SPOCK1: variants seen among roughly 807,000 people sequenced by gnomAD.
SPOCK1 encodes the protein testican-1.
Under a neutral mutation model 55.3 loss-of-function variants are expected in SPOCK1, and 23 were observed. The observed-to-expected ratio is 0.42, with a 90% confidence interval of 0.30 to 0.59. The LOEUF (loss-of-function observed/expected upper bound fraction) is 0.59, where lower values mean the gene tolerates loss of function less well. Among genes scored for constraint, SPOCK1 ranks in the 20% least tolerant of loss-of-function variants. SPOCK1 has a pLI of 0.22. For synonymous variants in SPOCK1, 226 were observed against 221.0 expected (o/e 1.02, Z -0.20); for missense variants, 499 against 552.5 (o/e 0.90, Z 0.97).
intron 2 of SPOCK1, among the ~76,000 whole-genome samples, chr5:137,383,221 T>G (rs1751514974): frequency 6.6e-6 from 1 of 152,326 alleles, no homozygotes; most frequent in East Asian, 1.9e-4. Flanking sequence ...CTGTGATACT[T>G]AAGTTTAAGA....
Position 137,136,018 on chromosome 5 carries a change from T to C in SPOCK1, c.347+4562A>G, listed in dbSNP as rs145290687. On this transcript the variant is annotated intron_variant, in intron 4 of 10. Transcript: ENST00000394945. ...TTACAATCAAATCTTTTGTTGTACATGTTTTGCAAATATTTTCACTCAGAG... is the reference window on the plus strand; with the variant it reads ...TTACAATCAAATCTTTTGTTGTACACGTTTTGCAAATATTTTCACTCAGAG... Among the ~76,000 whole-genome samples, 483 of 152,360 alleles carry C rather than the reference T, an allele frequency of 3.2e-3. 3 individuals are homozygous for C. The highest frequency in any genetic ancestry group is 0.011 in the African/African-American group (452 of 41,592).
chr5:137,394,295 C>T (rs1276096048), intron 2 of SPOCK1, among the ~76,000 whole-genome samples: 1 of 152,206 alleles, frequency 6.6e-6, no homozygotes, highest in African/African-American at 2.4e-5. Context: ...ACACACTACA[C>T]ACTACACAGT....
intron 3 of SPOCK1, among the ~76,000 whole-genome samples, chr5:137,193,145 GGAA>G (rs1392270206): frequency 6.6e-6 from 1 of 152,144 alleles, no homozygotes; most frequent in Non-Finnish European, 1.5e-5. Context: ...GGGAAAGACT[GGAA>G]GAAGTATACC....
chr5:137,193,685 C>T (rs55857393), intron 3 of SPOCK1, among the ~76,000 whole-genome samples: 61,606 of 151,972 alleles, frequency 0.41, 13,457 homozygotes, highest in Non-Finnish European at 0.48. Flanking sequence ...AGCAGCCAGC[C>T]CTTGCTTCAT....
intron 2 of SPOCK1, among the ~76,000 whole-genome samples, chr5:137,449,541 C>T (rs1753205554): frequency 6.6e-6 from 1 of 152,082 alleles, no homozygotes; most frequent in African/African-American, 2.4e-5. Flanking sequence ...GAGCCTCTTG[C>T]CTCTCTAAGT....
At chr5:137,000,786 G>A (rs561164307) in intron 6 of SPOCK1, among the ~76,000 whole-genome samples, 1 of 152,310 alleles carries the variant, frequency 6.6e-6, no homozygotes, top group Non-Finnish European at 1.5e-5. Context: ...GCTCATGCCT[G>A]TAATCCCAGC....
chr5:137,337,547 G>A (rs570657885), intron 2 of SPOCK1, among the ~76,000 whole-genome samples: 21 of 152,178 alleles, frequency 1.4e-4, no homozygotes, highest in Non-Finnish European at 2.2e-4. Flanking sequence ...CTCCACTTCC[G>A]GACATTCTGA....
intron 2 of SPOCK1, among the ~76,000 whole-genome samples, chr5:137,421,457 C>T (rs1347379332): frequency 6.6e-6 from 1 of 152,172 alleles, no homozygotes; most frequent in East Asian, 1.9e-4. Context: ...TCTCTAAGGA[C>T]TTGCTTTATG....
chr5:137,122,179 T>C (rs1753697936), intron 4 of SPOCK1, among the ~76,000 whole-genome samples: 1 of 151,860 alleles, frequency 6.6e-6, no homozygotes, highest in Non-Finnish European at 1.5e-5. Context: ...AGTGGGGTTT[T>C]ACCTCAAAGT....
chr5:136,999,248 G>A (rs1320376466), intron 6 of SPOCK1, among the ~76,000 whole-genome samples: 1 of 152,178 alleles, frequency 6.6e-6, no homozygotes, highest in Non-Finnish European at 1.5e-5. Context: ...TAAGGGGGAA[G>A]GGGAGCTCTA....
intron 3 of SPOCK1, among the ~76,000 whole-genome samples, chr5:137,188,973 T>C (rs1263373543): frequency 6.6e-6 from 1 of 152,250 alleles, no homozygotes; most frequent in Non-Finnish European, 1.5e-5. Context: ...AGTCAAAACC[T>C]TCCTTAAGCC....
At chr5:137,050,762 A>G (rs1243000001) in intron 6 of SPOCK1, among the ~76,000 whole-genome samples, 1 of 152,220 alleles carries the variant, frequency 6.6e-6, no homozygotes, top group Non-Finnish European at 1.5e-5. Context: ...TAAACTAAAA[A>G]CTGTCAGAAT....
intron 4 of SPOCK1, among the ~76,000 whole-genome samples, chr5:137,136,452 TTAAC>T (rs1561622815): frequency 6.6e-6 from 1 of 152,062 alleles, no homozygotes; most frequent in East Asian, 1.9e-4. Flanking sequence ...CTTATAAAAA[TTAAC>T]TAAAGAGGAT....
At chr5:137,494,406 A>G (rs1272094172) in intron 2 of SPOCK1, among the ~76,000 whole-genome samples, 1 of 152,200 alleles carries the variant, frequency 6.6e-6, no homozygotes. Flanking sequence ...GTCAGATGGC[A>G]TAGTTCCAGC....
At chr5:137,113,253 C>A (rs753978536) in intron 4 of SPOCK1, among the ~76,000 whole-genome samples, 6 of 152,140 alleles carry the variant, frequency 3.9e-5, no homozygotes, top group Non-Finnish European at 8.8e-5. Flanking sequence ...GACTTACGTC[C>A]ACGGAAGGAA....
chr5:137,210,576 T>C (rs1477051062), intron 3 of SPOCK1, among the ~76,000 whole-genome samples: 1 of 152,164 alleles, frequency 6.6e-6, no homozygotes, highest in African/African-American at 2.4e-5. Context: ...AAAAGGCACA[T>C]TTGTAATACA....
intron 2 of SPOCK1, among the ~76,000 whole-genome samples, chr5:137,490,732 G>A (rs180963152): frequency 9.9e-5 from 15 of 152,266 alleles, no homozygotes; most frequent in African/African-American, 2.2e-4. Context: ...TCCCAGTTAC[G>A]TCATGATGAG....
At chr5:136,991,030 C>T (rs1339833165) in intron 7 of SPOCK1, among the ~76,000 whole-genome samples, 1 of 152,160 alleles carries the variant, frequency 6.6e-6, no homozygotes, top group East Asian at 1.9e-4. Flanking sequence ...TCTGGGCTAA[C>T]CAACATCATG....
intron 2 of SPOCK1, among the ~76,000 whole-genome samples, chr5:137,470,704 G>C (rs1052595219): frequency 6.6e-6 from 1 of 152,132 alleles, no homozygotes; most frequent in African/African-American, 2.4e-5. Context: ...TAAAATCACT[G>C]GTCACCAGTG....
Sources: gnomAD v4.1 joint callset for allele counts (sites outside exome capture counted in the v4.1 genomes callset) on GRCh38, gnomAD v4.1.1 for gene constraint, MANE v1.5 for transcripts, NCBI Gene and HGNC (gene_info 2026-07-23, HGNC 2026-07-21) for gene names.